FAM91A1: variants seen among roughly 807,000 people sequenced by gnomAD.
FAM91A1 encodes the protein family with sequence similarity 91 member A1, also known as protein FAM91A1.
A neutral mutation model predicts 113.5 loss-of-function variants in FAM91A1; 41 were observed. The ratio of observed to expected loss-of-function variants is 0.36; its 90% confidence interval spans 0.28 to 0.47. FAM91A1 has a LOEUF of 0.47. Among genes scored for constraint, FAM91A1 ranks in the 20% least tolerant of loss-of-function variants. The probability of loss-of-function intolerance (pLI) is 1.00; values close to 1 mark genes in which losing one functional copy is unlikely to be tolerated. For missense variants in FAM91A1, 696 were observed against 1,001.2 expected (o/e 0.70, Z 4.11); for synonymous variants, 307 against 347.9 (o/e 0.88, Z 1.31).
Position 123,798,082 on chromosome 8 carries a change from T to C in FAM91A1, c.1412-8T>C. 6.2e-7 allele frequency: 1 copy of C among 1,610,636 alleles called. No homozygotes were observed. The highest frequency in any genetic ancestry group is 1.1e-5 in the South Asian group (1 of 90,742). On this transcript the variant is annotated splice_region_variant and splice_polypyrimidine_tract_variant and intron_variant, in intron 15 of 23. Transcript: ENST00000334705. ...TTTATTCTGTGTGTGTGCTTGATCA[T>C]AACTCAGGTTTTCCTCTGGATCTCT...
intron 20 of FAM91A1, among the ~76,000 whole-genome samples, chr8:123,807,527 C>T (rs916303619): frequency 2.0e-5 from 3 of 150,146 alleles, no homozygotes; most frequent in African/African-American, 4.9e-5. Flanking sequence ...AATGTTGTTC[C>T]AAGGATGAAA....
chr8:123,802,212 A>T (rs1448902797), intron 18 of FAM91A1, among the ~76,000 whole-genome samples: 1 of 152,188 alleles, frequency 6.6e-6, no homozygotes, highest in African/African-American at 2.4e-5. Context: ...GACTGTGTGT[A>T]GTAGTTTAGA....
chr8:123,785,353 C>T lies in FAM91A1; in HGVS notation c.849+234C>T, dbSNP rs202018255. ...AAGAGAGCACTCATGCAAGAAGCAGCCCAAGCAGTATCTTGTAGTGAGGTC... is the reference window on the plus strand; with the variant it reads ...AAGAGAGCACTCATGCAAGAAGCAGTCCAAGCAGTATCTTGTAGTGAGGTC... On this transcript the variant is annotated intron_variant, in intron 10 of 23. Coordinates refer to ENST00000334705, the MANE Select transcript of FAM91A1 (RefSeq NM_144963.4). Among the ~76,000 whole-genome samples, 6 of 152,174 alleles carry T rather than the reference C, an allele frequency of 3.9e-5. No homozygotes were observed. In the East Asian group the frequency reaches 9.6e-4, roughly 24 times the overall value.
intron 16 of FAM91A1, among the ~76,000 whole-genome samples, chr8:123,799,181 C>G (rs879520492): frequency 1.7e-4 from 26 of 152,128 alleles, no homozygotes; most frequent in Admixed American, 7.2e-4. Context: ...TTACAACATC[C>G]TCTTGAGGTA....
At chr8:123,785,244 A>G in intron 10 of FAM91A1, 125 bp downstream of exon 10, 1 of 832,134 alleles carries the variant, frequency 1.2e-6, no homozygotes, top group Non-Finnish European at 1.9e-6. Flanking sequence ...GTCTGAGAGA[A>G]CGTGCACAGT....
intron 23 of FAM91A1, chr8:123,810,776 A>G (rs1204888512): frequency 5.5e-6 from 1 of 182,404 alleles, no homozygotes; most frequent in Non-Finnish European, 1.1e-5. Context: ...TCTAGACTTG[A>G]TTTATAGGTA....
chr8:123,802,495 G>A (rs563391569), intron 18 of FAM91A1, among the ~76,000 whole-genome samples: 1 of 152,242 alleles, frequency 6.6e-6, no homozygotes, highest in Non-Finnish European at 1.5e-5. Flanking sequence ...ATGGGAGGTG[G>A]TGATACCACT....
intron 22 of FAM91A1, 54 bp downstream of exon 22, chr8:123,809,070 A>AAAT: frequency 6.3e-7 from 1 of 1,591,482 alleles, no homozygotes; most frequent in South Asian, 1.1e-5. Flanking sequence ...AGCTGTCAGC[A>AAAT]AATAGTTACC....
rs761181662 is a variant in FAM91A1, at chr8:123,777,294, T to C, written c.339T>C (p.Asp113=). 31 of 1,612,030 alleles carry C rather than the reference T, an allele frequency of 1.9e-5. No homozygotes were observed. Among genetic ancestry groups the C allele is most frequent in the African/African-American group, 2.7e-5 (2 of 74,890 alleles). The change falls in exon 4 of 24, where the codon GAT becomes GAC. Residue 113 remains aspartate (D), a synonymous_variant. Transcript: ENST00000334705. ...EDIMNSEKSY[D]SLPNFTAADC... ...TTATGAACAGTGAGAAAAGTTATGATTCATTGCCCAATTTTACTGCTGCTG... is the reference window on the plus strand; with the variant it reads ...TTATGAACAGTGAGAAAAGTTATGACTCATTGCCCAATTTTACTGCTGCTG...
At chr8:123,795,426 C>T (rs149957505) in intron 15 of FAM91A1, among the ~76,000 whole-genome samples, 2 of 146,068 alleles carry the variant, frequency 1.4e-5, no homozygotes, top group East Asian at 4.0e-4. Context: ...CGTGAGTTCT[C>T]ACGAGATCTG....
Position 123,813,902 on chromosome 8 carries a change from A to G in FAM91A1, c.*1198A>G, listed in dbSNP as rs955406573. Reference sequence around the variant, plus strand: ...CAAACGAACTGGTCAGACAACATATATCTAAAACACTTAAAATGTTAGGAA... The same window carrying G: ...CAAACGAACTGGTCAGACAACATATGTCTAAAACACTTAAAATGTTAGGAA... On this transcript the variant is annotated 3_prime_UTR_variant, in exon 24 of 24. Coordinates refer to ENST00000334705, the MANE Select transcript of FAM91A1 (RefSeq NM_144963.4). The G allele has an allele frequency of 3.4e-4, 71 of 210,218 alleles. No homozygotes were observed. Among genetic ancestry groups the G allele is most frequent in the African/African-American group, 1.6e-3 (66 of 41,898 alleles). 13.0% of individuals were successfully genotyped at this position (210,218 alleles called of 1,614,324 possible).
chr8:123,786,848 A>G (rs1815271035), intron 12 of FAM91A1, among the ~76,000 whole-genome samples: 1 of 152,212 alleles, frequency 6.6e-6, no homozygotes, highest in Non-Finnish European at 1.5e-5. Context: ...GACCAAACAA[A>G]TTACAACAAC....
At chr8:123,797,710 A>T (rs1339037322) in intron 15 of FAM91A1, among the ~76,000 whole-genome samples, 3 of 152,244 alleles carry the variant, frequency 2.0e-5, no homozygotes, top group African/African-American at 7.2e-5. Context: ...GTCATTGGGA[A>T]GTCTGAAGTT....
intron 15 of FAM91A1, among the ~76,000 whole-genome samples, chr8:123,795,126 T>A (rs1815480915): frequency 1.3e-5 from 2 of 152,182 alleles, no homozygotes; most frequent in African/African-American, 4.8e-5. Context: ...TAATTAATAT[T>A]CTCTTAAGCT....
rs537335265 is a variant in FAM91A1 at position 123,790,923 on chromosome 8, G to A, written c.1411+1178G>A. 5.3e-5 allele frequency among the ~76,000 whole-genome samples: 8 copies of A among 152,328 alleles called. No individual in the cohort carries two copies. The East Asian group carries it at 1.5e-3, about 29-fold the overall frequency. On this transcript the variant is annotated intron_variant, in intron 15 of 23. Transcript: ENST00000334705. ...ACTTACTGGTAGGCATTTGTTGATG[G>A]ATAACCATTTTTGGTTAATAAATAC... is the stretch of plus-strand genomic sequence containing the variant.
intron 15 of FAM91A1, 140 bp downstream of exon 15, chr8:123,789,885 GTT>G: frequency 1.0e-6 from 1 of 998,098 alleles, no homozygotes; most frequent in Non-Finnish European, 1.4e-6. Context: ...CTAGAGGCCT[GTT>G]TTGTGAATTT....
intron 14 of FAM91A1, 96 bp from the exon 15 acceptor site, chr8:123,789,517 T>A: frequency 6.4e-7 from 1 of 1,554,390 alleles, no homozygotes; most frequent in South Asian, 1.2e-5. Flanking sequence ...GATTTACTAC[T>A]TTTGAATAAT....
chr8:123,769,778 A>G (rs924098111), intron 1 of FAM91A1, among the ~76,000 whole-genome samples: 1 of 152,214 alleles, frequency 6.6e-6, no homozygotes, highest in Non-Finnish European at 1.5e-5. Flanking sequence ...TTACGAAAGT[A>G]GTGATATGGG....
intron 15 of FAM91A1, among the ~76,000 whole-genome samples, chr8:123,791,962 G>A (rs1815396366): frequency 6.6e-6 from 1 of 152,110 alleles, no homozygotes; most frequent in African/African-American, 2.4e-5. Context: ...TTCACTTGAG[G>A]TCAGGAGTTC....
Sources: gnomAD v4.1 joint callset for allele counts (sites outside exome capture counted in the v4.1 genomes callset) on GRCh38, gnomAD v4.1.1 for gene constraint, MANE v1.5 for transcripts, NCBI Gene and HGNC (gene_info 2026-07-23, HGNC 2026-07-21) for gene names.